RAB14: variants seen among roughly 807,000 people sequenced by gnomAD.
RAB14 encodes ras-related protein Rab-14.
A neutral mutation model predicts 31.1 loss-of-function variants in RAB14; 3 were observed. The ratio of observed to expected loss-of-function variants is 0.10; its 90% CI spans 0.04 to 0.25. The LOEUF is 0.25. RAB14 is among the 10% of genes least tolerant of loss of function. The probability of loss-of-function intolerance (pLI) is 1.00; values close to 1 mark genes in which losing one functional copy is unlikely to be tolerated. For synonymous variants in RAB14, 85 were observed against 84.9 expected (o/e 1.00, Z 0.00); for missense variants, 111 against 260.1 (o/e 0.43, Z 3.94).
intron 7 of RAB14, among the ~76,000 whole-genome samples, chr9:121,182,100 C>T (rs1472718607): frequency 6.6e-6 from 1 of 152,102 alleles, no homozygotes; most frequent in African/African-American, 2.4e-5. Flanking sequence ...AAAGCCCTTT[C>T]TACAAACCCT....
intron 5 of RAB14, among the ~76,000 whole-genome samples, chr9:121,186,068 G>C (rs1181837162): frequency 6.6e-6 from 1 of 152,132 alleles, no homozygotes; most frequent in African/African-American, 2.4e-5. Context: ...AATGTTGGGG[G>C]TATAAAGCCA....
intron 1 of RAB14, among the ~76,000 whole-genome samples, chr9:121,198,008 A>T (rs2053727838): frequency 1.5e-5 from 2 of 135,192 alleles, no homozygotes; most frequent in African/African-American, 2.7e-5. Flanking sequence ...GCAACAGCAT[A>T]CCCCACTTTC....
chr9:121,193,524 CAAAT>C (rs2053697859), intron 1 of RAB14, 105 bp from the exon 2 acceptor site: 4 of 723,404 alleles, frequency 5.5e-6, no homozygotes, highest in South Asian at 3.5e-5. Context: ...TGAATACAAA[CAAAT>C]GTTGGTTACA....
chr9:121,195,895 T>A (rs974970994), intron 1 of RAB14, among the ~76,000 whole-genome samples: 1 of 152,166 alleles, frequency 6.6e-6, no homozygotes, highest in Non-Finnish European at 1.5e-5. Context: ...TATTAATACA[T>A]TTCAGTCAAA....
chr9:121,192,187 T>C lies in RAB14; in HGVS notation c.90A>G (p.Gln30=), dbSNP rs1240552865. Residue 30 remains glutamine (Q), a synonymous_variant, in exon 3 of 8, where the codon CAA becomes CAG. Coordinates refer to ENST00000373840, the MANE Select transcript of RAB14 (RefSeq NM_016322.4). ...MGVGKSCLLH[Q]FTEKKFMADC... is the part of the protein sequence containing the mutation. The stretch of plus-strand genomic sequence containing the variant: ...TGAACTTACATTTTTTTTCTGTAAA[T>C]TGATGAAGCAAGCAAGATTTTCCTA... 1.4e-5 allele frequency: 23 copies of C among 1,598,364 alleles called. No individual in the cohort carries two copies. Among genetic ancestry groups the C allele is most frequent in the Non-Finnish European group, 1.8e-5 (21 of 1,169,642 alleles).
At chr9:121,183,090 G>C (rs777850603) in intron 6 of RAB14, 130 bp from the exon 7 acceptor site, 55 of 919,060 alleles carry the variant, frequency 6.0e-5, no homozygotes, top group Non-Finnish European at 8.5e-5. Context: ...GAAAAAGTAT[G>C]TAAGTTTGAG....
In RAB14 at chr9:121,181,239, C is replaced by T; in HGVS notation, c.*157G>A. 1 of 674,800 alleles carries T rather than the reference C, an allele frequency of 1.5e-6. No homozygotes were observed. Among genetic ancestry groups the T allele is most frequent in the Non-Finnish European group, 2.2e-6 (1 of 447,714 alleles). The allele number at this position is 674,800 out of a possible 1,614,324, so 41.8% of individuals were successfully genotyped here. A position where few individuals can be genotyped will look rare whatever the true frequency, so the allele number is the denominator to read the frequency against. ...AACCTGATTACATCTAGTTGTTTAG[C>T]AGTTTAGTATTGTGTTAAACTGTTT... On this transcript the variant is annotated 3_prime_UTR_variant, in exon 8 of 8. Coordinates refer to ENST00000373840, the MANE Select transcript of RAB14 (RefSeq NM_016322.4).
chr9:121,181,744 C>CTTTTTTTTTTT (rs3838268), intron 7 of RAB14, among the ~76,000 whole-genome samples, 171 bp from the exon 8 acceptor site: 2 of 102,900 alleles, frequency 1.9e-5, no homozygotes, highest in Non-Finnish European at 4.0e-5. Context: ...AACTATTTTC[C>CTTTTTTTTTTT]TTTTTTTTTT....
chr9:121,183,786 A>G (rs187098241), intron 5 of RAB14, among the ~76,000 whole-genome samples: 5 of 152,334 alleles, frequency 3.3e-5, no homozygotes, highest in African/African-American at 1.2e-4. Context: ...TGTGGCCCAC[A>G]GGCCATACAT....
intron 5 of RAB14, among the ~76,000 whole-genome samples, chr9:121,186,733 G>A (rs1239850238): frequency 6.6e-6 from 1 of 152,030 alleles, no homozygotes; most frequent in East Asian, 1.9e-4. Flanking sequence ...TAATAGTAAT[G>A]ACAAACATGA....
chr9:121,178,952 T>C lies in RAB14; in HGVS notation c.*2444A>G, dbSNP rs1434063356. The C allele has an allele frequency of 6.6e-6, 1 of 152,214 alleles. No individual in the cohort carries two copies. The highest frequency in any genetic ancestry group is 1.5e-5 in the Non-Finnish European group (1 of 68,030). 9.4% of individuals were successfully genotyped at this position (152,214 alleles called of 1,614,324 possible). On this transcript the variant is annotated 3_prime_UTR_variant, in exon 8 of 8. Coordinates refer to ENST00000373840, the MANE Select transcript of RAB14 (RefSeq NM_016322.4). ...TGTCTGGCACACGCATGTTACAATATGACAATCTGCTCTATTTGTGAGCAC... is the reference window on the plus strand; with the variant it reads ...TGTCTGGCACACGCATGTTACAATACGACAATCTGCTCTATTTGTGAGCAC...
chr9:121,190,131 T>C (rs2053678960), intron 4 of RAB14, among the ~76,000 whole-genome samples: 1 of 152,160 alleles, frequency 6.6e-6, no homozygotes, highest in South Asian at 2.1e-4. Flanking sequence ...TTTTATAATC[T>C]ACCATGCTGG....
chr9:121,193,269 G>T, intron 2 of RAB14, 92 bp downstream of exon 2: 1 of 848,212 alleles, frequency 1.2e-6, no homozygotes. Context: ...AAATCACTCA[G>T]TCCTGAAGTG....
intron 1 of RAB14, among the ~76,000 whole-genome samples, chr9:121,199,808 T>A (rs558240098): frequency 6.6e-6 from 1 of 152,286 alleles, no homozygotes; most frequent in Non-Finnish European, 1.5e-5. Flanking sequence ...ATTTTTCAGA[T>A]AAGGAAACCG....
At chr9:121,192,595 G>A (rs1461892824) in intron 2 of RAB14, among the ~76,000 whole-genome samples, 1 of 151,968 alleles carries the variant, frequency 6.6e-6, no homozygotes, top group Non-Finnish European at 1.5e-5. Flanking sequence ...ACTGACAAAT[G>A]GGGTAGCATG....
intron 3 of RAB14, among the ~76,000 whole-genome samples, chr9:121,191,728 C>A (rs754662237): frequency 5.9e-5 from 9 of 152,120 alleles, no homozygotes; most frequent in Non-Finnish European, 8.8e-5. Flanking sequence ...GAAACACTTT[C>A]AACTATATTT....
At chr9:121,183,090 G>T (rs777850603) in intron 6 of RAB14, 130 bp from the exon 7 acceptor site, 1 of 919,178 alleles carries the variant, frequency 1.1e-6, no homozygotes. Context: ...GAAAAAGTAT[G>T]TAAGTTTGAG....
chr9:121,201,116 C>T, intron 1 of RAB14, among the ~76,000 whole-genome samples: 1 of 152,054 alleles, frequency 6.6e-6, no homozygotes, highest in Non-Finnish European at 1.5e-5. Context: ...ACAAGGACAC[C>T]GGAGCTGCCC....
intron 1 of RAB14, among the ~76,000 whole-genome samples, chr9:121,196,387 G>A (rs926684279): frequency 4.6e-5 from 7 of 152,210 alleles, no homozygotes; most frequent in Middle Eastern, 3.4e-3. Context: ...AAACTAATAA[G>A]AAATACAATT....
Sources: allele counts gnomAD v4.1 joint callset (sites outside exome capture counted in the v4.1 genomes callset), GRCh38; gene constraint gnomAD v4.1.1; transcripts MANE v1.5; gene names NCBI Gene and HGNC (gene_info 2026-07-23, HGNC 2026-07-21).